The following LOXL1 variants were observed in gnomAD, a reference collection of about 807,000 sequenced individuals.
LOXL1 encodes lysyl oxidase homolog 1.
A neutral mutation model predicts 62.2 loss-of-function variants in LOXL1; 31 were observed. The observed-to-expected ratio is 0.50, with a 90% CI of 0.37 to 0.67. The LOEUF (loss-of-function observed/expected upper bound fraction) is 0.67. Among genes scored for constraint, LOXL1 ranks in the 30% least tolerant of loss-of-function variants. The pLI is 0.00. For synonymous variants in LOXL1, 403 were observed against 384.4 expected (o/e 1.05, Z -0.56); for missense variants, 775 against 843.4 (o/e 0.92, Z 1.00).
rs1260971391 is a variant in LOXL1 at position 73,927,221 on chromosome 15, C to A, written c.438C>A (p.Val146=). ...STGMARARTS[V]SQQRHGGSAS... Reference sequence around the variant, plus strand: ...GCATGGCCCGGGCCCGCACCTCCGTCTCCCAGCAACGGCACGGGGGCTCCG... The same window carrying A: ...GCATGGCCCGGGCCCGCACCTCCGTATCCCAGCAACGGCACGGGGGCTCCG... Residue 146 remains valine (V), a synonymous_variant, in exon 1 of 7, where the codon GTC becomes GTA. Coordinates refer to ENST00000261921, the MANE Select transcript of LOXL1 (RefSeq NM_005576.4). 1 of 1,595,644 alleles carries A rather than the reference C, an allele frequency of 6.3e-7. No individual in the cohort carries two copies. The highest frequency in any genetic ancestry group is 1.4e-5 in the African/African-American group (1 of 73,470).
chr15:73,928,489 C>T (rs959804865), intron 1 of LOXL1, among the ~76,000 whole-genome samples: 1 of 150,490 alleles, frequency 6.6e-6, no homozygotes, highest in Non-Finnish European at 1.5e-5. Context: ...AAGGCTGGGG[C>T]AAGAGAGACC....
chr15:73,939,973 A>C (rs114472267), intron 1 of LOXL1, among the ~76,000 whole-genome samples: 1 of 152,280 alleles, frequency 6.6e-6, no homozygotes, highest in East Asian at 1.9e-4. Flanking sequence ...TAGAACAGTC[A>C]TTAAAGAGGC....
intron 6 of LOXL1, 42 bp from the exon 7 acceptor site, chr15:73,951,789 A>G: frequency 1.3e-6 from 2 of 1,511,994 alleles, no homozygotes; most frequent in Non-Finnish European, 1.8e-6. Flanking sequence ...ACGGGGGCCT[A>G]CTTTGCAGCC....
rs1421995184 is a variant in LOXL1, at chr15:73,927,554, G to A, written c.771G>A (p.Arg257=). The A allele has an allele frequency of 7.5e-6, 10 of 1,341,600 alleles. No homozygotes were observed. The Admixed American group carries it at 1.4e-4, about 19-fold the overall frequency. 83.1% of individuals were successfully genotyped at this position (1,341,600 alleles called of 1,614,324 possible). ...AGGGCTTCTACCCGGCCCCCGAGAG[G>A]CCCTACGTGCCGCCGCCGCCGCCGC... ...PPQGFYPAPE[R]PYVPPPPPPP... Residue 257 remains arginine, a synonymous_variant, in exon 1 of 7, where the codon AGG becomes AGA. Coordinates refer to ENST00000261921, the MANE Select transcript of LOXL1 (RefSeq NM_005576.4).
Position 73,927,865 on chromosome 15 carries a change from G to T in LOXL1, c.1082G>T (p.Arg361Leu), listed in dbSNP as rs1463532042. The part of the protein sequence containing the change: ...QGRLSVGSVY[R>L]PNQNGRGLPD... ...CGCCTCAGCGTGGGCAGCGTGTACC[G>T]GCCCAACCAGAACGGCCGCGGTGAG... is the stretch of plus-strand genomic sequence containing the variant. Residue 361 changes from arginine to leucine, a missense_variant, in exon 1 of 7, where the codon CGG becomes CTG. By Grantham distance (102) the Arg-to-Leu change is moderately radical. Coordinates refer to ENST00000261921, the MANE Select transcript of LOXL1 (RefSeq NM_005576.4). 7.5e-7 allele frequency: 1 copy of T among 1,325,872 alleles called. No homozygotes were observed. Among genetic ancestry groups the T allele is most frequent in the Admixed American group, 4.1e-5 (1 of 24,112 alleles). 82.1% of individuals were successfully genotyped at this position (1,325,872 alleles called of 1,614,324 possible).
At chr15:73,943,233 A>T (rs1430302044) in intron 2 of LOXL1, among the ~76,000 whole-genome samples, 1 of 152,216 alleles carries the variant, frequency 6.6e-6, no homozygotes, top group Non-Finnish European at 1.5e-5. Flanking sequence ...CTTCATCTTT[A>T]TATGAGCCCT....
chr15:73,946,809 C>A (rs1001994212), intron 3 of LOXL1, among the ~76,000 whole-genome samples: 2 of 152,254 alleles, frequency 1.3e-5, no homozygotes, highest in African/African-American at 4.8e-5. Flanking sequence ...GAATACAGGG[C>A]ATTGCCCAGT....
Position 73,926,571 on chromosome 15 carries a change from C to A in LOXL1, c.-213C>A, listed in dbSNP as rs2068577656. ...TGCCCTGCGGAGAGCCTCGTGCAGC[C>A]CTGGGCACCGCCCCTGCCCTGCCCT... On this transcript the variant is annotated 5_prime_UTR_variant, in exon 1 of 7. Coordinates refer to ENST00000261921, the MANE Select transcript of LOXL1 (RefSeq NM_005576.4). 4.2e-6 allele frequency: 2 copies of A among 472,588 alleles called. No individual in the cohort carries two copies. Among genetic ancestry groups the A allele is most frequent in the Non-Finnish European group, 7.0e-6 (2 of 287,600 alleles). The allele number at this position is 472,588 out of a possible 1,614,324, so 29.3% of individuals were successfully genotyped here. A position where few individuals can be genotyped will look rare whatever the true frequency, so the allele number is the denominator to read the frequency against.
rs1380549353 is a variant in LOXL1 at position 73,926,916 on chromosome 15, T to A, written c.133T>A (p.Trp45Arg). The change falls in exon 1 of 7, where the codon TGG becomes AGG. Residue 45 changes from tryptophan to arginine, a missense_variant. Trp to Arg is a moderately radical substitution (Grantham distance 101, BLOSUM62 -3). Transcript: ENST00000261921. The stretch of plus-strand genomic sequence containing the variant: ...CGCCCGCTGGCGGCAGCTGATCCAG[T>A]GGGAGAACAACGGGCAGGTGTACAG... ...DPARWRQLIQ[W>R]ENNGQVYSLL... 6.4e-7 allele frequency: 1 copy of A among 1,570,472 alleles called. No individual in the cohort carries two copies. The highest frequency in any genetic ancestry group is 1.2e-5 in the South Asian group (1 of 85,508).
Position 73,947,873 on chromosome 15 carries a change from G to A in LOXL1, c.1573G>A (p.Asp525Asn), listed in dbSNP as rs772638560. The A allele has an allele frequency of 2.0e-5, 33 of 1,613,626 alleles. No individual in the cohort carries two copies. Among genetic ancestry groups the A allele is most frequent in the South Asian group, 1.4e-4 (13 of 91,046 alleles). ...DIDCQWIDITDVQPGNYILKV... is the reference protein window; with the variant it reads ...DIDCQWIDITNVQPGNYILKV... The stretch of plus-strand genomic sequence containing the variant: ...CGACTGCCAGTGGATCGACATAACC[G>A]ACGTGCAGCCTGGGAACTACATCCT... The change falls in exon 5 of 7, where the codon GAC becomes AAC. Residue 525 changes from aspartate to asparagine, a missense_variant. Transcript: ENST00000261921.
intron 5 of LOXL1, 51 bp downstream of exon 5, chr15:73,947,953 T>C: frequency 7.3e-7 from 1 of 1,368,394 alleles, no homozygotes; most frequent in Non-Finnish European, 1.0e-6. Flanking sequence ...TCATGTCCAA[T>C]GTCCCCCCGT....
In LOXL1 at chr15:73,938,315, C is replaced by CTATCTAGA. The variant is rs748345626; in HGVS notation, c.1103-4537_1103-4536insTCTAGATA. ...TCTATCTATCTATCTATCTATCTATCTAGGTAGATAGATAGAACAGGAGGC... is the reference window on the plus strand; with the variant it reads ...TCTATCTATCTATCTATCTATCTATCTATCTAGATAGGTAGATAGATAGAACAGGAGGC... On this transcript the variant is annotated intron_variant, in intron 1 of 6. Transcript: ENST00000261921. Among the ~76,000 whole-genome samples, 231 of 140,292 alleles carry CTATCTAGA rather than the reference C, an allele frequency of 1.6e-3. 1 individual carries two copies. The highest frequency in any genetic ancestry group is 6.4e-3 in the East Asian group (31 of 4,818). 92.0% of individuals were successfully genotyped at this position (140,292 alleles called of 152,430 possible). A position where few individuals can be genotyped will look rare whatever the true frequency, so the allele number is the denominator to read the frequency against.
intron 2 of LOXL1, 141 bp from the exon 3 acceptor site, chr15:73,946,276 C>A: frequency 1.6e-6 from 1 of 631,572 alleles, no homozygotes; most frequent in Non-Finnish European, 2.8e-6. Context: ...TTCGAGGAGA[C>A]AGAGGAGAAG....
chr15:73,927,953 C>T, intron 1 of LOXL1, 68 bp downstream of exon 1: 1 of 1,254,938 alleles, frequency 8.0e-7, no homozygotes, highest in Non-Finnish European at 1.0e-6. Context: ...TCCGGGCCCC[C>T]CGGGCCCCTC....
intron 1 of LOXL1, among the ~76,000 whole-genome samples, chr15:73,936,845 T>C (rs1422224663): frequency 6.6e-6 from 1 of 152,226 alleles, no homozygotes; most frequent in Non-Finnish European, 1.5e-5. Context: ...TCCTGACTGC[T>C]AAAGTATCGT....
chr15:73,937,144 A>T (rs1234335852), intron 1 of LOXL1, among the ~76,000 whole-genome samples: 2 of 152,156 alleles, frequency 1.3e-5, no homozygotes, highest in Admixed American at 6.5e-5. Flanking sequence ...CCGGTTCCCG[A>T]GGGCGGGCAC....
In LOXL1 at chr15:73,926,619, G is replaced by T; in HGVS notation, c.-165G>T. The T allele has an allele frequency of 1.3e-6, 1 of 769,060 alleles. No individual in the cohort carries two copies. The highest frequency in any genetic ancestry group is 1.8e-6 in the Non-Finnish European group (1 of 541,220). 47.6% of individuals were successfully genotyped at this position (769,060 alleles called of 1,614,324 possible). A position where few individuals can be genotyped will look rare whatever the true frequency, so the allele number is the denominator to read the frequency against. ...CCTGACCCCTTGGCCTTGAAATGCT[G>T]TCATCGGAGGAGCCGTCCCGCTCGG... On this transcript the variant is annotated 5_prime_UTR_variant, in exon 1 of 7. Coordinates refer to ENST00000261921, the MANE Select transcript of LOXL1 (RefSeq NM_005576.4).
rs74026311 is a variant in LOXL1 at position 73,944,325 on chromosome 15, G to A, written c.1211+1363G>A. Among the ~76,000 whole-genome samples, 257 of 152,348 alleles carry A rather than the reference G, an allele frequency of 1.7e-3. 1 individual carries two copies. The highest frequency in any genetic ancestry group is 5.2e-3 in the African/African-American group (217 of 41,578). ...CTTCATGAAGGATCCTGAGTGCCCGGACCTGCGCTCCCAGCTGGGGAGAGG... is the reference window on the plus strand; with the variant it reads ...CTTCATGAAGGATCCTGAGTGCCCGAACCTGCGCTCCCAGCTGGGGAGAGG... On this transcript the variant is annotated intron_variant, in intron 2 of 6. Coordinates refer to ENST00000261921, the MANE Select transcript of LOXL1 (RefSeq NM_005576.4).
rs964242160 is a variant in LOXL1, at chr15:73,926,638, C to T, written c.-146C>T. 1 of 963,384 alleles carries T rather than the reference C, an allele frequency of 1.0e-6. No homozygotes were observed. Among genetic ancestry groups the T allele is most frequent in the Non-Finnish European group, 1.4e-6 (1 of 714,678 alleles). The allele number at this position is 963,384 out of a possible 1,614,324, so 59.7% of individuals were successfully genotyped here. On this transcript the variant is annotated 5_prime_UTR_variant, in exon 1 of 7. Coordinates refer to ENST00000261921, the MANE Select transcript of LOXL1 (RefSeq NM_005576.4). ...AATGCTGTCATCGGAGGAGCCGTCC[C>T]GCTCGGGACAAGGCCAGCATGGACA... is the stretch of plus-strand genomic sequence containing the variant.
Sources: allele counts gnomAD v4.1 joint callset (sites outside exome capture counted in the v4.1 genomes callset), GRCh38; gene constraint gnomAD v4.1.1; transcripts MANE v1.5; gene names NCBI Gene and HGNC (gene_info 2026-07-23, HGNC 2026-07-21).